Variants in MEF2C observed in about 807,000 individuals in gnomAD.
MEF2C encodes myocyte enhancer factor 2C, also known as myocyte-specific enhancer factor 2C.
MEF2C carries 6 observed loss-of-function variants against 50.5 expected under a neutral mutation model. That is an observed-to-expected ratio of 0.12 (90% CI 0.07 to 0.23). The LOEUF (loss-of-function observed/expected upper bound fraction) is 0.23. Ranked by LOEUF, MEF2C falls within the 10% of genes least tolerant of loss-of-function variation. MEF2C has a pLI of 1.00. For synonymous variants in MEF2C, 183 were observed against 228.0 expected, an observed-to-expected ratio of 0.80 and a Z score of 1.78; for missense variants, 276 against 605.0, an observed-to-expected ratio of 0.46 and a Z score of 5.70.
At chr5:88,869,430 T>C (rs1828818425) in intron 1 of MEF2C, among the ~76,000 whole-genome samples, 1 of 151,244 alleles carries the variant, frequency 6.6e-6, no homozygotes, top group Non-Finnish European at 1.5e-5. Flanking sequence ...CTGAACGTTG[T>C]ATTGTTCTCC....
At chr5:88,900,408 TAAAAA>T (rs34433957) in intron 1 of MEF2C, among the ~76,000 whole-genome samples, 1 of 151,474 alleles carries the variant, frequency 6.6e-6, no homozygotes, top group Non-Finnish European at 1.5e-5. Context: ...CTCCCAATCT[TAAAAA>T]AAACCCTATA....
At chr5:88,731,979 T>C in intron 6 of MEF2C, 78 bp from the exon 7 acceptor site, 2 of 1,333,664 alleles carry the variant, frequency 1.5e-6, no homozygotes, top group Non-Finnish European at 2.0e-6. Context: ...AACATGAGAA[T>C]AAAAACAAAA....
chr5:88,808,113 T>C (rs1801291703), intron 2 of MEF2C, among the ~76,000 whole-genome samples: 1 of 152,214 alleles, frequency 6.6e-6, no homozygotes, highest in Admixed American at 6.5e-5. Flanking sequence ...AACCATCTTT[T>C]TGGAATGAAT....
chr5:88,826,060 C>T (rs1810721389), intron 1 of MEF2C, among the ~76,000 whole-genome samples: 2 of 151,890 alleles, frequency 1.3e-5, no homozygotes, highest in Non-Finnish European at 2.9e-5. Flanking sequence ...CTCAGAAAGA[C>T]AGAGAGAGTT....
chr5:88,752,544 G>T, intron 4 of MEF2C: 1 of 900,032 alleles, frequency 1.1e-6, no homozygotes, highest in Non-Finnish European at 1.3e-6. Flanking sequence ...ATTTTTTAAA[G>T]TCTATGTTTT....
At chr5:88,739,695 T>C (rs889540406) in intron 6 of MEF2C, 3 of 985,278 alleles carry the variant, frequency 3.0e-6, no homozygotes, top group Non-Finnish European at 3.6e-6. Flanking sequence ...CTGTGAGTTA[T>C]TCAGCTGTTG....
chr5:88,849,965 T>G (rs1820692596), intron 1 of MEF2C, among the ~76,000 whole-genome samples: 1 of 152,206 alleles, frequency 6.6e-6, no homozygotes, highest in Non-Finnish European at 1.5e-5. Flanking sequence ...CTTTAAGTTT[T>G]AGGGTACATG....
Position 88,722,044 on chromosome 5 carries a change from G to A in MEF2C, c.*560C>T, listed in dbSNP as rs895462604. On this transcript the variant is annotated 3_prime_UTR_variant, in exon 11 of 11. Coordinates refer to ENST00000504921, the MANE Select transcript of MEF2C (RefSeq NM_002397.5). ...TTAATAGGTATGGTCCTCTTTTAATGGTCTCTGATCCTTTTTAATGAGTGC... is the reference window on the plus strand; with the variant it reads ...TTAATAGGTATGGTCCTCTTTTAATAGTCTCTGATCCTTTTTAATGAGTGC... 3 of 152,322 alleles carry A rather than the reference G, an allele frequency of 2.0e-5. No homozygotes were observed. Among genetic ancestry groups the A allele is most frequent in the Admixed American group, 2.0e-4 (3 of 15,248 alleles). 9.4% of individuals were successfully genotyped at this position (152,322 alleles called of 1,614,324 possible). A position where few individuals can be genotyped will look rare whatever the true frequency, so the allele number is the denominator to read the frequency against.
At chr5:88,777,832 T>C (rs1236851470) in intron 3 of MEF2C, among the ~76,000 whole-genome samples, 1 of 151,644 alleles carries the variant, frequency 6.6e-6, no homozygotes, top group Non-Finnish European at 1.5e-5. Context: ...GTACTATCTA[T>C]CTAGTTAAAA....
intron 1 of MEF2C, among the ~76,000 whole-genome samples, chr5:88,875,376 C>T (rs553202544): frequency 1.3e-5 from 2 of 151,884 alleles, no homozygotes; most frequent in African/African-American, 2.4e-5. Context: ...TGTGGTGGAA[C>T]GTTGCTATTT....
chr5:88,738,664 T>C (rs1305432600), intron 6 of MEF2C: 15 of 985,224 alleles, frequency 1.5e-5, no homozygotes, highest in Non-Finnish European at 1.6e-5. Context: ...TCGAGTCTCA[T>C]TTGCAAATTA....
chr5:88,774,166 TAGA>T (rs1783705206), intron 3 of MEF2C, among the ~76,000 whole-genome samples: 1 of 151,734 alleles, frequency 6.6e-6, no homozygotes, highest in African/African-American at 2.4e-5. Context: ...GACCTGGAGG[TAGA>T]AGTTGTTAGA....
At position 88,744,569 on chromosome 5, in the gene MEF2C, T is replaced by C. The variant is rs185308623; in HGVS notation, c.637+4501A>G. 6.6e-5 allele frequency among the ~76,000 whole-genome samples: 10 copies of C among 152,264 alleles called. No individual in the cohort carries two copies. The East Asian group carries it at 7.7e-4, about 12-fold the overall frequency. On this transcript the variant is annotated intron_variant, in intron 6 of 10. Transcript: ENST00000504921. Reference sequence around the variant, plus strand: ...CTCCGTCTCAAAAAAAAAAGTTTTATAGAGTTATGACAAAATGTTATTTTA... The same window carrying C: ...CTCCGTCTCAAAAAAAAAAGTTTTACAGAGTTATGACAAAATGTTATTTTA...
At chr5:88,803,191 A>G (rs1191833328) in intron 3 of MEF2C, among the ~76,000 whole-genome samples, 1 of 152,230 alleles carries the variant, frequency 6.6e-6, no homozygotes, top group Non-Finnish European at 1.5e-5. Flanking sequence ...CAAGCACACA[A>G]TTCAAATTAT....
rs755690274 is a variant in MEF2C at position 88,728,486 on chromosome 5, T to C, written c.1100+7A>G. 6.9e-7 allele frequency: 1 copy of C among 1,455,966 alleles called. No homozygotes were observed. The highest frequency in any genetic ancestry group is 1.5e-5 in the South Asian group (1 of 64,894). The allele number at this position is 1,455,966 out of a possible 1,614,324, so 90.2% of individuals were successfully genotyped here. A position where few individuals can be genotyped will look rare whatever the true frequency, so the allele number is the denominator to read the frequency against. The stretch of plus-strand genomic sequence containing the variant: ...AAAATTATATTATAAAAAATAATAT[T>C]GCTTACCCCAACTGACTGAGGGCAG... On this transcript the variant is annotated splice_region_variant and intron_variant, in intron 10 of 10. Coordinates refer to ENST00000504921, the MANE Select transcript of MEF2C (RefSeq NM_002397.5).
chr5:88,844,311 C>A (rs1400001715), intron 1 of MEF2C, among the ~76,000 whole-genome samples: 2 of 152,044 alleles, frequency 1.3e-5, no homozygotes, highest in African/African-American at 4.8e-5. Flanking sequence ...AAGTAAGCAA[C>A]AAAATTGGGT....
intron 6 of MEF2C, chr5:88,734,577 T>TG (rs1763236291): frequency 2.6e-5 from 24 of 922,014 alleles, no homozygotes; most frequent in African/African-American, 1.1e-4. Flanking sequence ...TTTTTTTTTT[T>TG]TTTTTTTTTT....
chr5:88,835,352 G>C (rs953734668), intron 1 of MEF2C, among the ~76,000 whole-genome samples: 2 of 152,108 alleles, frequency 1.3e-5, no homozygotes, highest in African/African-American at 4.8e-5. Flanking sequence ...GATGTCAGCA[G>C]TATTTGAAAA....
chr5:88,743,217 T>A, intron 6 of MEF2C: 1 of 982,224 alleles, frequency 1.0e-6, no homozygotes, highest in Non-Finnish European at 1.2e-6. Context: ...TCTTTCTCCC[T>A]TTCTTGAATA....
Sources: allele counts gnomAD v4.1 joint callset (sites outside exome capture counted in the v4.1 genomes callset), GRCh38; gene constraint gnomAD v4.1.1; transcripts MANE v1.5; gene names NCBI Gene and HGNC (gene_info 2026-07-23, HGNC 2026-07-21).